Variants in PCDHGA5 observed in about 807,000 individuals in gnomAD.
The protein encoded by PCDHGA5 is protocadherin gamma-A5.
PCDHGA5 carries 36 observed loss-of-function variants against 56.7 expected under a neutral mutation model. The ratio of observed to expected loss-of-function variants is 0.64; its 90% CI spans 0.49 to 0.84. The LOEUF (loss-of-function observed/expected upper bound fraction) is 0.84, where lower values mean the gene tolerates loss of function less well. Among genes scored for constraint, PCDHGA5 ranks in the 40% least tolerant of loss-of-function variants. The probability of loss-of-function intolerance (pLI) is 0.00; values close to 1 mark genes in which losing one functional copy is unlikely to be tolerated. For missense variants in PCDHGA5, 1,305 were observed against 1,201.5 expected (o/e 1.09, Z -1.27); for synonymous variants, 563 against 520.2 (o/e 1.08, Z -1.12).
At chr5:141,414,945 C>G in intron 1 of PCDHGA5, 2 of 1,614,098 alleles carry the variant, frequency 1.2e-6, no homozygotes, top group Non-Finnish European at 8.5e-7. Flanking sequence ...AGCCCGGCTA[C>G]CTGGTGACCA....
intron 1 of PCDHGA5, chr5:141,394,121 T>G: frequency 6.2e-7 from 1 of 1,613,920 alleles, no homozygotes; most frequent in Non-Finnish European, 8.5e-7. Flanking sequence ...CCACTGAAAC[T>G]CAAATCGCTC....
At position 141,381,820 on chromosome 5, in the gene PCDHGA5, C is replaced by CTTTCTTTCT. The variant is rs1279410534; in HGVS notation, c.2421+15071_2421+15072insTCTTTCTTT. On this transcript the variant is annotated intron_variant, in intron 1 of 3. Transcript: ENST00000518069. ...TCCCTCTTTCTTTCTTTCTTTCTTT[C>CTTTCTTTCT]TTCTTCTTTTTTTTTTTTTTTTTTT... is the stretch of plus-strand genomic sequence containing the variant. 4.1e-3 allele frequency among the ~76,000 whole-genome samples: 486 copies of CTTTCTTTCT among 119,674 alleles called. 3 individuals carry two copies. The highest frequency in any genetic ancestry group is 0.016 in the African/African-American group (465 of 29,196). The allele number at this position is 119,674 out of a possible 152,430, so 78.5% of individuals were successfully genotyped here.
chr5:141,409,848 G>C (rs149920059), intron 1 of PCDHGA5: 7 of 1,611,904 alleles, frequency 4.3e-6, no homozygotes, highest in Non-Finnish European at 5.9e-6. Context: ...GTGAGCCTGC[G>C]CGTGTTGGTG....
In PCDHGA5 at chr5:141,485,049, G is replaced by C. The variant is rs1271101804; in HGVS notation, c.2422-9758G>C. On this transcript the variant is annotated intron_variant, in intron 1 of 3. Coordinates refer to ENST00000518069, the MANE Select transcript of PCDHGA5 (RefSeq NM_018918.3). The surrounding 1 kb of genome is among the most constrained non-coding windows in gnomAD (Gnocchi z 5.7). ...AACGGCGCGTAACCCTTGCGGCGCC[G>C]GCCGAACCGCGCCAGAGCTGGCGCG... 1 of 780,438 alleles carries C rather than the reference G, an allele frequency of 1.3e-6. No homozygotes were observed. The highest frequency in any genetic ancestry group is 2.1e-6 in the Non-Finnish European group (1 of 469,234). The allele number at this position is 780,438 out of a possible 1,614,324, so 48.3% of individuals were successfully genotyped here. A position where few individuals can be genotyped will look rare whatever the true frequency, so the allele number is the denominator to read the frequency against.
chr5:141,404,407 T>C, intron 1 of PCDHGA5: 1 of 1,613,944 alleles, frequency 6.2e-7, no homozygotes, highest in East Asian at 2.2e-5. Flanking sequence ...ATGAGAATTC[T>C]AGAGTTATTT....
chr5:141,455,798 T>TA (rs2098831882), intron 1 of PCDHGA5, among the ~76,000 whole-genome samples: 1 of 152,036 alleles, frequency 6.6e-6, no homozygotes, highest in African/African-American at 2.4e-5. Flanking sequence ...GGAGATGCTT[T>TA]AAAAAATGAA....
intron 1 of PCDHGA5, among the ~76,000 whole-genome samples, chr5:141,469,031 C>T (rs963001535): frequency 1.3e-5 from 2 of 152,070 alleles, no homozygotes; most frequent in Admixed American, 6.6e-5. Flanking sequence ...AATCCCAGCA[C>T]TTTGGGAGGC....
At chr5:141,460,580 G>A (rs1037056676) in intron 1 of PCDHGA5, among the ~76,000 whole-genome samples, 7 of 152,160 alleles carry the variant, frequency 4.6e-5, no homozygotes, top group African/African-American at 1.4e-4. Flanking sequence ...ATGTAGGTGT[G>A]GGTTTTTTCT....
rs752412467 is a variant in PCDHGA5 at position 141,405,390 on chromosome 5, TTTTC to T, written c.2421+38651_2421+38654del. On this transcript the variant is annotated intron_variant, in intron 1 of 3. Transcript: ENST00000518069. ...CCTTTGGTTCCGGTGAGTTCATTTTTTTTCTTTCTTTCTTTTCTTTTTTTGTTTT... is the reference window on the plus strand; with the variant it reads ...CCTTTGGTTCCGGTGAGTTCATTTTTTTTCTTTCTTTTCTTTTTTTGTTTT... 1.6e-5 allele frequency: 26 copies of T among 1,600,118 alleles called. No homozygotes were observed. The East Asian group carries it at 1.8e-4, about 11-fold the overall frequency.
chr5:141,483,509 C>A (rs2099582178), intron 1 of PCDHGA5, among the ~76,000 whole-genome samples: 1 of 147,450 alleles, frequency 6.8e-6, no homozygotes, highest in African/African-American at 2.5e-5. Flanking sequence ...AGGCTGATCC[C>A]CCTAGATCCT....
rs1360124362 is a variant in PCDHGA5 at position 141,489,688 on chromosome 5, G to A, written c.2422-5119G>A. On this transcript the variant is annotated intron_variant, in intron 1 of 3. Coordinates refer to ENST00000518069, the MANE Select transcript of PCDHGA5 (RefSeq NM_018918.3). This position sits in a 1 kb window ranked among gnomAD's most constrained non-coding sequence, Gnocchi z 4.5. The stretch of plus-strand genomic sequence containing the variant: ...CATCTCAGAATCAGCAGCATCTGGG[G>A]CACGATTCCCACTGGACAGTGCCCA... 6.2e-7 allele frequency: 1 copy of A among 1,614,150 alleles called. No homozygotes were observed. Among genetic ancestry groups the A allele is most frequent in the Non-Finnish European group, 8.5e-7 (1 of 1,180,012 alleles).
chr5:141,444,082 A>G (rs942113441), intron 1 of PCDHGA5, among the ~76,000 whole-genome samples: 2 of 151,044 alleles, frequency 1.3e-5, no homozygotes, highest in African/African-American at 2.4e-5. Flanking sequence ...TCACCTGAAA[A>G]GTCTGCTAAG....
At chr5:141,372,414 G>C (rs1290805149) in intron 1 of PCDHGA5, 1 of 1,613,910 alleles carries the variant, frequency 6.2e-7, no homozygotes, top group African/African-American at 1.3e-5. Flanking sequence ...GATACAACCT[G>C]ACCTTAGCGA....
intron 1 of PCDHGA5, among the ~76,000 whole-genome samples, chr5:141,484,319 C>T (rs1191113560): frequency 6.6e-6 from 1 of 152,212 alleles, no homozygotes; most frequent in Non-Finnish European, 1.5e-5. Context: ...CGCTTCCATA[C>T]TGTCCTTGAA....
chr5:141,394,557 G>A (rs372165481), intron 1 of PCDHGA5: 23 of 1,613,964 alleles, frequency 1.4e-5, no homozygotes, highest in South Asian at 4.4e-5. Context: ...GCCCCGCTCC[G>A]CAGAGCGTGG....
intron 1 of PCDHGA5, chr5:141,440,587 A>G (rs566819394): frequency 1.3e-5 from 2 of 152,392 alleles, no homozygotes; most frequent in East Asian, 3.9e-4. Flanking sequence ...CCCAGCTGGA[A>G]CAAGATTTGC....
chr5:141,432,935 C>T lies in PCDHGA5; in HGVS notation c.2422-61872C>T. The T allele has an allele frequency of 4.3e-6, 7 of 1,614,218 alleles. No homozygotes were observed. The highest frequency in any genetic ancestry group is 5.1e-6 in the Non-Finnish European group (6 of 1,180,046). On this transcript the variant is annotated intron_variant, in intron 1 of 3. Transcript: ENST00000518069. This position sits in a 1 kb window ranked among gnomAD's most constrained non-coding sequence, Gnocchi z 6.0. The stretch of plus-strand genomic sequence containing the variant: ...GCGCTGGCACAAGTCACGCCTGCTG[C>T]AGGCTTCAGGAGGCGGCTTGACAGG...
Position 141,390,370 on chromosome 5 carries a change from A to T in PCDHGA5, c.2421+23619A>T, listed in dbSNP as rs1252386186. On this transcript the variant is annotated intron_variant, in intron 1 of 3. Coordinates refer to ENST00000518069, the MANE Select transcript of PCDHGA5 (RefSeq NM_018918.3). ...AATATACATATTTGCAGGAAAATAT[A>T]TAATTTTTAGATGTCATGGATCATT... 4 of 1,504,066 alleles carry T rather than the reference A, an allele frequency of 2.7e-6. No individual in the cohort carries two copies. In the African/African-American group the frequency reaches 4.2e-5, roughly 16 times the overall value. The allele number at this position is 1,504,066 out of a possible 1,614,324, so 93.2% of individuals were successfully genotyped here. A position where few individuals can be genotyped will look rare whatever the true frequency, so the allele number is the denominator to read the frequency against.
chr5:141,430,594 C>T, intron 1 of PCDHGA5: 3 of 563,604 alleles, frequency 5.3e-6, no homozygotes, highest in Non-Finnish European at 5.7e-6. Flanking sequence ...GCCTTGCACG[C>T]GCCTGAAGCA....
Sources: allele counts gnomAD v4.1 joint callset (sites outside exome capture counted in the v4.1 genomes callset), GRCh38; gene constraint gnomAD v4.1.1; non-coding constraint Gnocchi (gnomAD v3.1); transcripts MANE v1.5; gene names NCBI Gene and HGNC (gene_info 2026-07-23, HGNC 2026-07-21).